KCNIP4: variants seen among roughly 807,000 people sequenced by gnomAD.
The protein encoded by KCNIP4 is potassium voltage-gated channel interacting protein 4, also known as Kv channel-interacting protein 4.
Under a neutral mutation model 34.0 loss-of-function variants are expected in KCNIP4, and 12 were observed. That is an observed-to-expected ratio of 0.35 (90% CI 0.23 to 0.57). The LOEUF is 0.57. Among genes scored for constraint, KCNIP4 ranks in the 20% least tolerant of loss-of-function variants. KCNIP4 has a pLI of 0.83. For synonymous variants in KCNIP4, 124 were observed against 102.2 expected, an observed-to-expected ratio of 1.21 and a Z score of -1.29; for missense variants, 238 against 311.7, an observed-to-expected ratio of 0.76 and a Z score of 1.78.
intron 1 of KCNIP4, among the ~76,000 whole-genome samples, chr4:21,464,273 T>C (rs1397386336): frequency 1.3e-5 from 2 of 152,050 alleles, no homozygotes; most frequent in African/African-American, 2.4e-5. Context: ...CTTCTTTTTA[T>C]AGTTTTTTAA....
At chr4:21,660,586 C>T (rs945724543) in intron 1 of KCNIP4, among the ~76,000 whole-genome samples, 2 of 152,130 alleles carry the variant, frequency 1.3e-5, no homozygotes, top group Non-Finnish European at 1.5e-5. Flanking sequence ...AGTAGACTAA[C>T]ATGCCCTACT....
chr4:21,753,296 A>T lies in KCNIP4; in HGVS notation c.61+195275T>A, dbSNP rs1240677471. Among the ~76,000 whole-genome samples the T allele has an allele frequency of 2.6e-5, 4 of 152,178 alleles. No individual in the cohort carries two copies. The East Asian group carries it at 7.7e-4, about 29-fold the overall frequency. ...CACTTAAGAGACTGCTTTGTAAATC[A>T]TTCAGCTTTGTCAGGCAATCTCTGG... On this transcript the variant is annotated intron_variant, in intron 1 of 8. Coordinates refer to ENST00000382152, the MANE Select transcript of KCNIP4 (RefSeq NM_025221.6).
intron 1 of KCNIP4, among the ~76,000 whole-genome samples, chr4:21,568,572 AGACT>A (rs1740100356): frequency 6.6e-6 from 1 of 152,164 alleles, no homozygotes; most frequent in Non-Finnish European, 1.5e-5. Flanking sequence ...TGGAAAGAGC[AGACT>A]TGCTGAGTCT....
chr4:20,920,724 G>A (rs1250924145), intron 1 of KCNIP4, among the ~76,000 whole-genome samples: 1 of 152,208 alleles, frequency 6.6e-6, no homozygotes, highest in Non-Finnish European at 1.5e-5. Context: ...GGGCACGGTG[G>A]CTCACGCCTG....
At chr4:21,165,638 G>C (rs909110364) in intron 1 of KCNIP4, among the ~76,000 whole-genome samples, 1 of 152,130 alleles carries the variant, frequency 6.6e-6, no homozygotes, top group African/African-American at 2.4e-5. Flanking sequence ...TTAGGCAAAG[G>C]TTTTCTAGAT....
chr4:21,281,928 G>T (rs1029991957), intron 1 of KCNIP4, among the ~76,000 whole-genome samples: 2 of 152,128 alleles, frequency 1.3e-5, no homozygotes, highest in Non-Finnish European at 2.9e-5. Flanking sequence ...ATTGGAAAGT[G>T]GTTTTCATGT....
intron 1 of KCNIP4, among the ~76,000 whole-genome samples, chr4:21,211,406 G>T (rs1419227957): frequency 6.6e-6 from 1 of 152,160 alleles, no homozygotes; most frequent in Admixed American, 6.6e-5. Context: ...TCTACCTTCT[G>T]TTGGATCAGC....
At chr4:21,217,567 G>A (rs1757679691) in intron 1 of KCNIP4, among the ~76,000 whole-genome samples, 1 of 152,174 alleles carries the variant, frequency 6.6e-6, no homozygotes, top group Admixed American at 6.6e-5. Flanking sequence ...AGAGATGATT[G>A]ACCTAGACTT....
intron 1 of KCNIP4, among the ~76,000 whole-genome samples, chr4:21,804,092 C>G (rs939233847): frequency 1.3e-5 from 2 of 152,216 alleles, no homozygotes; most frequent in Non-Finnish European, 2.9e-5. Flanking sequence ...TCAGACAAAT[C>G]TAATTTTCCT....
intron 1 of KCNIP4, among the ~76,000 whole-genome samples, chr4:21,475,223 A>T (rs908142070): frequency 1.3e-5 from 2 of 152,134 alleles, no homozygotes; most frequent in Non-Finnish European, 2.9e-5. Flanking sequence ...ACTTTTATGT[A>T]AATCAGCTTT....
intron 1 of KCNIP4, among the ~76,000 whole-genome samples, chr4:21,831,249 G>A (rs984486756): frequency 1.3e-5 from 2 of 151,510 alleles, no homozygotes; most frequent in East Asian, 1.9e-4. Context: ...AAGAATCCAG[G>A]GGGAAAAAAA....
chr4:21,718,308 T>A (rs1186267823), intron 1 of KCNIP4, among the ~76,000 whole-genome samples: 1 of 152,220 alleles, frequency 6.6e-6, no homozygotes, highest in East Asian at 1.9e-4. Flanking sequence ...CTATGTTACC[T>A]AAATATTTAT....
At chr4:21,438,950 CAGG>C (rs1727198546) in intron 1 of KCNIP4, among the ~76,000 whole-genome samples, 2 of 152,036 alleles carry the variant, frequency 1.3e-5, no homozygotes, top group Admixed American at 1.3e-4. Flanking sequence ...ATCACGAGGT[CAGG>C]AGATCGAGAC....
At chr4:20,743,054 G>A (rs1302708778) in intron 5 of KCNIP4, among the ~76,000 whole-genome samples, 2 of 123,364 alleles carry the variant, frequency 1.6e-5, no homozygotes, top group Non-Finnish European at 3.4e-5. Flanking sequence ...TTATAAGGGT[G>A]TGAAGGACCC....
intron 3 of KCNIP4, among the ~76,000 whole-genome samples, chr4:20,790,120 G>A (rs1712534080): frequency 6.6e-6 from 1 of 152,100 alleles, no homozygotes; most frequent in South Asian, 2.1e-4. Context: ...CTGCAAACTT[G>A]TACTGCATGT....
At chr4:21,509,354 C>T (rs932710116) in intron 1 of KCNIP4, among the ~76,000 whole-genome samples, 1 of 152,132 alleles carries the variant, frequency 6.6e-6, no homozygotes, top group African/African-American at 2.4e-5. Context: ...AGTTACTCCT[C>T]ACTGTCATAC....
intron 3 of KCNIP4, among the ~76,000 whole-genome samples, chr4:20,793,230 C>T (rs1713007127): frequency 6.6e-6 from 1 of 152,078 alleles, no homozygotes; most frequent in South Asian, 2.1e-4. Flanking sequence ...TGGAATAGTA[C>T]TCAGCAACAC....
intron 1 of KCNIP4, among the ~76,000 whole-genome samples, chr4:21,302,416 C>G (rs1222454349): frequency 1.3e-5 from 2 of 152,198 alleles, no homozygotes; most frequent in Non-Finnish European, 2.9e-5. Context: ...CATGAATTGT[C>G]AGTCTCACAG....
chr4:21,021,036 C>T (rs955462489), intron 1 of KCNIP4, among the ~76,000 whole-genome samples: 3 of 151,980 alleles, frequency 2.0e-5, no homozygotes, highest in Admixed American at 6.5e-5. Context: ...AGTGTACTTC[C>T]GCAAACCTAG....
Sources: allele counts gnomAD v4.1 joint callset (sites outside exome capture counted in the v4.1 genomes callset), GRCh38; gene constraint gnomAD v4.1.1; transcripts MANE v1.5; gene names NCBI Gene and HGNC (gene_info 2026-07-23, HGNC 2026-07-21).